Variants in G3BP2 observed in about 807,000 individuals in gnomAD.
G3BP2 encodes ras GTPase-activating protein-binding protein 2.
In G3BP2, 11 loss-of-function variants were observed where a neutral mutation model predicts 56.7. The ratio of observed to expected loss-of-function variants is 0.19; its 90% CI spans 0.12 to 0.32. The LOEUF (loss-of-function observed/expected upper bound fraction) is 0.32, where lower values mean the gene tolerates loss of function less well. G3BP2 is among the 10% of genes least tolerant of loss of function. The pLI is 1.00. For missense variants in G3BP2, 340 were observed against 610.9 expected (o/e 0.56, Z 4.67); for synonymous variants, 165 against 191.6 (o/e 0.86, Z 1.15).
chr4:75,666,283 G>C (rs1733030161), intron 1 of G3BP2, among the ~76,000 whole-genome samples: 1 of 152,130 alleles, frequency 6.6e-6, no homozygotes, highest in African/African-American at 2.4e-5. Flanking sequence ...TTAATACTTA[G>C]AACTATTGGA....
chr4:75,711,874 G>C (rs1238578794), intron 3 of G3BP2, among the ~76,000 whole-genome samples: 1 of 152,004 alleles, frequency 6.6e-6, no homozygotes, highest in Non-Finnish European at 1.5e-5. Context: ...AGTTTTGTTG[G>C]GGTTCCAGAT....
chr4:75,673,607 AC>A, upstream of G3BP2: 1 of 1,231,448 alleles, frequency 8.1e-7, no homozygotes, highest in Non-Finnish European at 1.0e-6. Context: ...GGGAACCGGA[AC>A]CGGCCTAAAG....
chr4:75,681,858 A>G (rs562866093), intron 3 of G3BP2, among the ~76,000 whole-genome samples: 61 of 151,972 alleles, frequency 4.0e-4, no homozygotes, highest in Middle Eastern at 3.4e-3. Flanking sequence ...CAAAAAAAAA[A>G]AAAAAGAAAA....
At chr4:75,686,557 T>TGGGTGGCGGGGGGTGGGGGTG (rs1718614413) in intron 3 of G3BP2, among the ~76,000 whole-genome samples, 1 of 2,140 alleles carries the variant, frequency 4.7e-4, no homozygotes, top group African/African-American at 1.9e-3. Flanking sequence ...GAGCAAAGGG[T>TGGGTGGCGGGGGGTGGGGGTG]GGGTGGCGGG....
At chr4:75,666,317 T>C (rs1261808931) in intron 1 of G3BP2, among the ~76,000 whole-genome samples, 1 of 152,192 alleles carries the variant, frequency 6.6e-6, no homozygotes, top group Non-Finnish European at 1.5e-5. Context: ...AAAAGTTAAC[T>C]TCAAATGGTA....
chr4:75,657,519 A>G, intron 4 of G3BP2, 38 bp downstream of exon 4: 1 of 1,481,874 alleles, frequency 6.7e-7, no homozygotes, highest in East Asian at 2.3e-5. Flanking sequence ...CCAACTAGCA[A>G]CCATATAAAT....
intron 3 of G3BP2, among the ~76,000 whole-genome samples, chr4:75,679,561 T>C (rs1733997495): frequency 6.6e-6 from 1 of 152,206 alleles, no homozygotes. Context: ...GAATGACTGC[T>C]ATAGGTGGTA....
chr4:75,680,680 G>A (rs1734035627), intron 3 of G3BP2, among the ~76,000 whole-genome samples: 1 of 152,132 alleles, frequency 6.6e-6, no homozygotes, highest in Admixed American at 6.6e-5. Context: ...AAGAAACTGT[G>A]GCCTAGCCAG....
chr4:75,658,915 GC>G lies in G3BP2; in HGVS notation c.104del (p.Gly35AlafsTer11). ...KAPEYLHRFY[G>X]RNSSYVHGGV... is the part of the protein sequence containing the mutation. ...CACCATGAACATAGGAAGAATTCCT[GC>G]CATAAAACCTGCAAAACCATAATTA... On this transcript the variant is annotated frameshift_variant, in exon 3 of 12. Coordinates refer to ENST00000359707, the MANE Select transcript of G3BP2 (RefSeq NM_203505.3). LOFTEE classifies it high-confidence loss of function. 1 of 1,610,560 alleles carries G rather than the reference GC, an allele frequency of 6.2e-7. No homozygotes were observed. The highest frequency in any genetic ancestry group is 8.5e-7 in the Non-Finnish European group (1 of 1,176,786).
intron 1 of G3BP2, 184 bp downstream of exon 1, chr4:75,673,024 G>A (rs1733621783): frequency 5.2e-5 from 51 of 989,838 alleles, no homozygotes; most frequent in Non-Finnish European, 6.0e-5. Flanking sequence ...CTCACCTAGA[G>A]GAAAGACTGG....
chr4:75,651,487 GA>G (rs1731696853), intron 8 of G3BP2, among the ~76,000 whole-genome samples: 2 of 152,196 alleles, frequency 1.3e-5, no homozygotes, highest in Admixed American at 6.5e-5. Context: ...ATTGATTTAG[GA>G]ATCTGACTTT....
At chr4:75,680,365 C>T (rs947680568) in intron 3 of G3BP2, among the ~76,000 whole-genome samples, 1 of 152,204 alleles carries the variant, frequency 6.6e-6, no homozygotes, top group Non-Finnish European at 1.5e-5. Context: ...GATCAAATCG[C>T]ATTTTCTTCA....
At chr4:75,684,365 A>G (rs962414178) in intron 3 of G3BP2, among the ~76,000 whole-genome samples, 2 of 152,146 alleles carry the variant, frequency 1.3e-5, no homozygotes, top group Middle Eastern at 3.2e-3. Context: ...AGATCACACC[A>G]CTGCACTCTG....
upstream of G3BP2, among the ~76,000 whole-genome samples, chr4:75,674,734 T>A (rs1176325170): frequency 1.9e-3 from 162 of 84,912 alleles, 1 homozygote; most frequent in African/African-American, 5.2e-3. Flanking sequence ...TTTTTTTTTT[T>A]TTTTTTAAGA....
At chr4:75,721,847 G>A (rs1226400103) in intron 2 of G3BP2, among the ~76,000 whole-genome samples, 1 of 152,094 alleles carries the variant, frequency 6.6e-6, no homozygotes, top group African/African-American at 2.4e-5. Context: ...GTCAGGTTTG[G>A]TTTAGAAAAA....
upstream of G3BP2, among the ~76,000 whole-genome samples, chr4:75,678,374 C>T (rs1733957020): frequency 6.6e-6 from 1 of 151,322 alleles, no homozygotes; most frequent in Non-Finnish European, 1.5e-5. Context: ...CCAATCTGGT[C>T]TTGATTGCCT....
intron 8 of G3BP2, among the ~76,000 whole-genome samples, chr4:75,652,605 G>A (rs984962230): frequency 1.3e-5 from 2 of 152,156 alleles, no homozygotes; most frequent in Non-Finnish European, 2.9e-5. Flanking sequence ...CTGCACTCCA[G>A]CCTGGGCGAC....
intron 3 of G3BP2, chr4:75,694,883 G>T (rs964425197): frequency 1.0e-6 from 1 of 985,558 alleles, no homozygotes; most frequent in South Asian, 4.7e-5. Context: ...ACAGCCGAAG[G>T]GGTTTTCAGT....
upstream of G3BP2, among the ~76,000 whole-genome samples, chr4:75,675,491 C>G (rs1288402168): frequency 2.0e-5 from 3 of 152,188 alleles, no homozygotes; most frequent in Non-Finnish European, 4.4e-5. Context: ...AGGAGCCACA[C>G]TTTAAAAACC....
Sources: gnomAD v4.1 joint callset for allele counts (sites outside exome capture counted in the v4.1 genomes callset) on GRCh38, gnomAD v4.1.1 for gene constraint, MANE v1.5 for transcripts, NCBI Gene and HGNC (gene_info 2026-07-23, HGNC 2026-07-21) for gene names.